Variants in C9 observed in about 807,000 individuals in gnomAD.
C9 encodes the protein complement component C9.
C9 carries 63 observed loss-of-function variants against 65.4 expected under a neutral mutation model. The observed-to-expected ratio is 0.96, with a 90% CI of 0.79 to 1.19. The LOEUF is 1.19. Among genes scored for constraint, C9 ranks in the 50% most tolerant of loss-of-function variants. The pLI is 0.00. For missense variants in C9, 744 were observed against 670.1 expected, an observed-to-expected ratio of 1.11 and a Z score of -1.22; for synonymous variants, 229 against 227.9, an observed-to-expected ratio of 1.00 and a Z score of -0.04.
intron 1 of C9, among the ~76,000 whole-genome samples, chr5:39,362,025 C>A: frequency 6.6e-6 from 1 of 152,084 alleles, no homozygotes. Flanking sequence ...TCTTACCATG[C>A]GCCAGGCACA....
chr5:39,364,359 A>C, intron 1 of C9, 29 bp downstream of exon 1: 1 of 1,336,930 alleles, frequency 7.5e-7, no homozygotes, highest in Non-Finnish European at 1.1e-6. Context: ...GGAAACTTCC[A>C]GAGACAAGCA....
At chr5:39,306,475 A>G in intron 9 of C9, 142 bp downstream of exon 9, 1 of 716,494 alleles carries the variant, frequency 1.4e-6, no homozygotes, top group Non-Finnish European at 2.4e-6. Context: ...TCTCTATGCC[A>G]TGCCTCCTTT....
chr5:39,344,124 C>T (rs1388374697), intron 1 of C9, among the ~76,000 whole-genome samples: 1 of 152,228 alleles, frequency 6.6e-6, no homozygotes, highest in Non-Finnish European at 1.5e-5. Context: ...ACCTCTCCCC[C>T]TCCAAAGGAA....
chr5:39,341,212 T>G lies in C9; in HGVS notation c.410A>C (p.Glu137Ala), dbSNP rs779249901. ...TCTGTCTCTGCAGGGGGGACGGGGC[T>G]CACTTTCACAATCATCCTCATCTGA... ...DFSDEDDCES[E>A]PRPPCRDRVV... The change falls in exon 4 of 11, where the codon GAG becomes GCG. Residue 137 changes from glutamate to alanine, a missense_variant. Glu to Ala is a moderately radical substitution (Grantham distance 107). Coordinates refer to ENST00000263408, the MANE Select transcript of C9 (RefSeq NM_001737.5). 6.2e-7 allele frequency: 1 copy of G among 1,614,204 alleles called. No homozygotes were observed. The highest frequency in any genetic ancestry group is 8.5e-7 in the Non-Finnish European group (1 of 1,180,034).
intron 5 of C9, among the ~76,000 whole-genome samples, chr5:39,325,771 C>CAAAAA (rs34079563): frequency 3.2e-5 from 3 of 92,444 alleles, no homozygotes; most frequent in Non-Finnish European, 4.3e-5. Context: ...GACTCCATCT[C>CAAAAA]AAAAAAAAAA....
At chr5:39,336,831 T>C (rs1753977179) in intron 4 of C9, among the ~76,000 whole-genome samples, 1 of 151,968 alleles carries the variant, frequency 6.6e-6, no homozygotes, top group South Asian at 2.2e-4. Context: ...AGAGATCCCA[T>C]AGTTAGTGAT....
intron 1 of C9, among the ~76,000 whole-genome samples, chr5:39,349,214 A>C (rs1448078379): frequency 5.9e-5 from 9 of 151,274 alleles, no homozygotes; most frequent in Non-Finnish European, 1.0e-4. Flanking sequence ...AGACTAGGTG[A>C]TGCCAATCTC....
At chr5:39,302,619 A>G (rs1417911165) in intron 9 of C9, among the ~76,000 whole-genome samples, 1 of 152,168 alleles carries the variant, frequency 6.6e-6, no homozygotes, top group African/African-American at 2.4e-5. Flanking sequence ...GAATTACTAC[A>G]TCATGTAACT....
intron 5 of C9, among the ~76,000 whole-genome samples, chr5:39,325,158 A>C (rs577286915): frequency 6.6e-6 from 1 of 152,246 alleles, no homozygotes; most frequent in Non-Finnish European, 1.5e-5. Flanking sequence ...AAAACCATAA[A>C]CCACATATTA....
intron 10 of C9, among the ~76,000 whole-genome samples, chr5:39,288,290 A>G (rs954962113): frequency 1.3e-5 from 2 of 151,758 alleles, no homozygotes; most frequent in African/African-American, 4.8e-5. Context: ...GTACAAAGTA[A>G]TTAATTGGAT....
chr5:39,351,474 T>C (rs560523920), intron 1 of C9, among the ~76,000 whole-genome samples: 21 of 152,316 alleles, frequency 1.4e-4, no homozygotes, highest in African/African-American at 4.8e-4. Flanking sequence ...TTCCTTCCCA[T>C]TTAAATATAA....
chr5:39,309,139 C>A (rs1352736894), intron 7 of C9, among the ~76,000 whole-genome samples: 1 of 151,862 alleles, frequency 6.6e-6, no homozygotes, highest in Non-Finnish European at 1.5e-5. Context: ...CAAAGTCTAT[C>A]AGTTATTATC....
chr5:39,330,515 C>T (rs1178427018), intron 5 of C9, among the ~76,000 whole-genome samples: 1 of 152,172 alleles, frequency 6.6e-6, no homozygotes, highest in Non-Finnish European at 1.5e-5. Context: ...ACTAAATCAA[C>T]ACAACAATAG....
chr5:39,346,116 G>A (rs967000094), intron 1 of C9, among the ~76,000 whole-genome samples: 6 of 152,054 alleles, frequency 3.9e-5, no homozygotes, highest in South Asian at 2.1e-4. Context: ...AAGAACTAGA[G>A]AAGCAAGAGC....
At chr5:39,349,640 C>T (rs2111971968) in intron 1 of C9, among the ~76,000 whole-genome samples, 1 of 152,332 alleles carries the variant, frequency 6.6e-6, no homozygotes, top group South Asian at 2.1e-4. Context: ...CTCAACCCTC[C>T]TGCCCTGTGA....
chr5:39,289,072 A>G (rs1579835760), intron 9 of C9, 121 bp from the exon 10 acceptor site: 2 of 693,410 alleles, frequency 2.9e-6, no homozygotes, highest in South Asian at 3.1e-5. Context: ...TTGAATGTAT[A>G]GTATTGCCAG....
intron 9 of C9, among the ~76,000 whole-genome samples, chr5:39,297,742 G>T (rs1753210816): frequency 6.6e-6 from 1 of 151,508 alleles, no homozygotes; most frequent in Non-Finnish European, 1.5e-5. Context: ...ACTGAAAAGA[G>T]AAATAATAAA....
At position 39,349,045 on chromosome 5, in the gene C9, A is replaced by T. The variant is rs573606068; in HGVS notation, c.78-6849T>A. Among the ~76,000 whole-genome samples, 4 of 151,922 alleles carry T rather than the reference A, an allele frequency of 2.6e-5. No homozygotes were observed. In the East Asian group the frequency reaches 7.8e-4, roughly 30 times the overall value. On this transcript the variant is annotated intron_variant, in intron 1 of 10. Transcript: ENST00000263408. ...GTGGGGTGGGGGGGAGGGGGGAAGG[A>T]ACGCATTAGGAGATATACCCAATGT...
chr5:39,338,148 T>C (rs964835977), intron 4 of C9, among the ~76,000 whole-genome samples: 10 of 152,238 alleles, frequency 6.6e-5, no homozygotes, highest in Admixed American at 1.3e-4. Flanking sequence ...TATTAATTAC[T>C]GATTTATACC....
Sources: gnomAD v4.1 joint callset for allele counts (sites outside exome capture counted in the v4.1 genomes callset) on GRCh38, gnomAD v4.1.1 for gene constraint, MANE v1.5 for transcripts, NCBI Gene and HGNC (gene_info 2026-07-23, HGNC 2026-07-21) for gene names.